NAA11: variants seen among roughly 807,000 people sequenced by gnomAD.
The protein encoded by NAA11 is N-alpha-acetyltransferase 11, NatA catalytic subunit, also known as N-alpha-acetyltransferase 11.
Under a neutral mutation model 16.1 loss-of-function variants are expected in NAA11, and 15 were observed. The ratio of observed to expected loss-of-function variants is 0.93; its 90% CI spans 0.62 to 1.44. The LOEUF is 1.44. NAA11 is among the 40% of genes most tolerant of loss of function. The probability of loss-of-function intolerance (pLI) is 0.00; values close to 1 mark genes in which losing one functional copy is unlikely to be tolerated. For synonymous variants in NAA11, 122 were observed against 112.4 expected, an observed-to-expected ratio of 1.09 and a Z score of -0.54; for missense variants, 298 against 291.3, an observed-to-expected ratio of 1.02 and a Z score of -0.17.
the NAA11 span, among the ~76,000 whole-genome samples, chr4:79,201,995 C>T: frequency 6.6e-6 from 1 of 151,472 alleles, no homozygotes; most frequent in Non-Finnish European, 1.5e-5. Context: ...ATATGATAAT[C>T]AAATCAGGGT....
At chr4:79,168,132 G>A in the NAA11 span, among the ~76,000 whole-genome samples, 1 of 151,734 alleles carries the variant, frequency 6.6e-6, no homozygotes, top group East Asian at 1.9e-4. Flanking sequence ...TTGGTTTTCT[G>A]TTCCTGTGTT....
At chr4:79,291,215 A>G (rs1204607880) in intron 2 of NAA11, among the ~76,000 whole-genome samples, 1 of 152,108 alleles carries the variant, frequency 6.6e-6, no homozygotes, top group East Asian at 1.9e-4. Context: ...TAATCCCAGG[A>G]CTTTGGGAGG....
At chr4:79,181,153 C>T in the NAA11 span, among the ~76,000 whole-genome samples, 9 of 151,338 alleles carry the variant, frequency 5.9e-5, no homozygotes, top group East Asian at 1.8e-3. Flanking sequence ...GGGTGCAGCA[C>T]ACCAACATGG....
At chr4:79,171,017 TG>T in the NAA11 span, among the ~76,000 whole-genome samples, 1 of 152,180 alleles carries the variant, frequency 6.6e-6, no homozygotes, top group Non-Finnish European at 1.5e-5. Context: ...AATATATATT[TG>T]TTATGTTCCT....
At chr4:79,312,122 A>G (rs972016724), downstream of NAA11, among the ~76,000 whole-genome samples, 3 of 152,244 alleles carry the variant, frequency 2.0e-5, no homozygotes, top group South Asian at 6.2e-4. Context: ...CAAAGGAGCA[A>G]TTAGAAATAT....
chr4:79,269,842 C>T (rs1315766423), intron 2 of NAA11, among the ~76,000 whole-genome samples: 17 of 147,634 alleles, frequency 1.2e-4, no homozygotes, highest in African/African-American at 3.7e-4. Flanking sequence ...TTAGGTCTAA[C>T]GTTTAAATCT....
rs116768180 is a variant in NAA11 at position 79,322,315 on chromosome 4, C to T, written c.*12+2861G>A. ...TCAACTTAGAAATAAAGTTCAATTACGGTATCATAAAGAAACAGTTCAATT... is the reference window on the plus strand; with the variant it reads ...TCAACTTAGAAATAAAGTTCAATTATGGTATCATAAAGAAACAGTTCAATT... On this transcript the variant is annotated intron_variant, in intron 1 of 1. Coordinates refer to ENST00000286794, the MANE Select transcript of NAA11 (RefSeq NM_032693.3). 8.9e-3 allele frequency among the ~76,000 whole-genome samples: 1,350 copies of T among 152,220 alleles called. 22 individuals carry two copies. Among genetic ancestry groups the T allele is most frequent in the African/African-American group, 0.031 (1,304 of 41,538 alleles).
chr4:79,190,093 A>C, the NAA11 span, among the ~76,000 whole-genome samples: 4 of 152,334 alleles, frequency 2.6e-5, no homozygotes, highest in Admixed American at 6.5e-5. Context: ...CTAAATTATC[A>C]TGTGTAAAGC....
chr4:79,220,528 G>C, the NAA11 span, among the ~76,000 whole-genome samples: 2 of 151,386 alleles, frequency 1.3e-5, no homozygotes, highest in East Asian at 3.9e-4. Context: ...TAACTTTTAA[G>C]ATATATATAA....
chr4:79,187,705 C>G, the NAA11 span, among the ~76,000 whole-genome samples: 107,727 of 152,102 alleles, frequency 0.71, 41,212 homozygotes, highest in East Asian at 1. Flanking sequence ...GAACTTGCTT[C>G]TAGTTGTTAA....
At chr4:79,302,453 T>G (rs912645554) in intron 1 of NAA11, among the ~76,000 whole-genome samples, 3 of 152,194 alleles carry the variant, frequency 2.0e-5, no homozygotes. Context: ...GGATGTGCAG[T>G]TGCTGACTAA....
chr4:79,312,318 C>CTAT (rs575419329), downstream of NAA11, among the ~76,000 whole-genome samples: 9 of 152,224 alleles, frequency 5.9e-5, 1 homozygote, highest in South Asian at 1.9e-3. Context: ...CCCTAATGTA[C>CTAT]TATCATGGTT....
intron 2 of NAA11, among the ~76,000 whole-genome samples, chr4:79,252,745 T>C (rs1045796898): frequency 6.6e-6 from 1 of 152,102 alleles, no homozygotes; most frequent in African/African-American, 2.4e-5. Flanking sequence ...CCAGTGGCAC[T>C]GAAGAGGAGT....
At chr4:79,321,874 T>G (rs1724098939) in intron 1 of NAA11, among the ~76,000 whole-genome samples, 1 of 152,220 alleles carries the variant, frequency 6.6e-6, no homozygotes, top group Admixed American at 6.5e-5. Context: ...TCCTTTGTAA[T>G]CTGGTATAAT....
intron 1 of NAA11, among the ~76,000 whole-genome samples, chr4:79,321,034 G>T (rs1724073497): frequency 6.6e-6 from 1 of 152,192 alleles, no homozygotes; most frequent in African/African-American, 2.4e-5. Context: ...GGGGTCATTT[G>T]TCCCAGGTTT....
the NAA11 span, among the ~76,000 whole-genome samples, chr4:79,198,660 T>G: frequency 3.3e-5 from 5 of 151,868 alleles, no homozygotes; most frequent in Non-Finnish European, 7.4e-5. Context: ...ACAGCGACAT[T>G]TTCCAAATGA....
chr4:79,265,902 T>C (rs561724541), intron 2 of NAA11, among the ~76,000 whole-genome samples: 83 of 152,252 alleles, frequency 5.5e-4, no homozygotes, highest in Middle Eastern at 3.4e-3. Flanking sequence ...TTACATCTGC[T>C]TATTAAAACA....
chr4:79,204,744 G>A, the NAA11 span, among the ~76,000 whole-genome samples: 126,306 of 151,638 alleles, frequency 0.83, 53,804 homozygotes, highest in Non-Finnish European at 0.92. Context: ...TCCAGTGTGC[G>A]TTATACCATT....
chr4:79,184,418 A>G, the NAA11 span, among the ~76,000 whole-genome samples: 1 of 152,220 alleles, frequency 6.6e-6, no homozygotes, highest in Non-Finnish European at 1.5e-5. Flanking sequence ...AATAGGAAAT[A>G]TAAGCTAAAA....
Sources: allele counts gnomAD v4.1 joint callset (sites outside exome capture counted in the v4.1 genomes callset), GRCh38; gene constraint gnomAD v4.1.1; transcripts MANE v1.5; gene names NCBI Gene and HGNC (gene_info 2026-07-23, HGNC 2026-07-21).